The following GABRG3 variants were observed in gnomAD, a reference collection of about 807,000 sequenced individuals.
GABRG3 encodes gamma-aminobutyric acid receptor subunit gamma-3.
In GABRG3, 25 loss-of-function variants were observed where a neutral mutation model predicts 48.8. That is an observed-to-expected ratio of 0.51 (90% confidence interval 0.37 to 0.72). The LOEUF is 0.72. GABRG3 is among the 30% of genes least tolerant of loss of function. The pLI, the probability that GABRG3 is intolerant of heterozygous loss-of-function variation, is 0.00. For missense variants in GABRG3, 394 were observed against 577.9 expected (o/e 0.68, Z 3.26); for synonymous variants, 227 against 217.6 (o/e 1.04, Z -0.38).
rs208131 is a variant in GABRG3 at position 27,176,923 on chromosome 15, G to C, written c.271-149886G>C. ...TGCTGAACTCACTGTCTAACCACCC[G>C]ACAGTTTCTTGCCCACTGCATAGAA... On this transcript the variant is annotated intron_variant, in intron 3 of 9. Coordinates refer to ENST00000615808, the MANE Select transcript of GABRG3 (RefSeq NM_033223.5). Among the ~76,000 whole-genome samples, 1,489 of 152,252 alleles carry C rather than the reference G, an allele frequency of 9.8e-3. 13 individuals carry two copies. Among genetic ancestry groups the C allele is most frequent in the Non-Finnish European group, 0.013 (912 of 68,016 alleles).
At chr15:27,332,703 T>C (rs991763219) in intron 5 of GABRG3, among the ~76,000 whole-genome samples, 2 of 152,190 alleles carry the variant, frequency 1.3e-5, no homozygotes, top group African/African-American at 2.4e-5. Flanking sequence ...TTCACTATCA[T>C]ACAAATAAAA....
At chr15:26,993,330 G>A (rs1396828613) in intron 2 of GABRG3, among the ~76,000 whole-genome samples, 3 of 151,806 alleles carry the variant, frequency 2.0e-5, no homozygotes, top group Non-Finnish European at 4.4e-5. Flanking sequence ...CTTTTTCTAT[G>A]TAGGCACTTA....
chr15:27,335,724 G>C (rs1055373714), intron 5 of GABRG3, among the ~76,000 whole-genome samples: 3 of 152,106 alleles, frequency 2.0e-5, no homozygotes, highest in African/African-American at 7.2e-5. Flanking sequence ...AGGATGAGCA[G>C]GTTCTGGAAA....
chr15:27,313,236 A>ATG (rs1893062962), intron 3 of GABRG3, among the ~76,000 whole-genome samples: 1 of 82,334 alleles, frequency 1.2e-5, no homozygotes, highest in African/African-American at 5.8e-5. Flanking sequence ...ACGTATATGT[A>ATG]TATATGTGTG....
rs927188293 is a variant in GABRG3, at chr15:27,236,991, G to A, written c.271-89818G>A. Among the ~76,000 whole-genome samples the A allele has an allele frequency of 3.9e-5, 6 of 152,316 alleles. No individual in the cohort carries two copies. The highest frequency in any genetic ancestry group is 2.6e-4 in the Admixed American group (4 of 15,300). ...TTCCCAGCCTGCAGGACGGCCACCC[G>A]TATGAAATAAAGCTCTCCTTTCCAA... On this transcript the variant is annotated intron_variant, in intron 3 of 9. Coordinates refer to ENST00000615808, the MANE Select transcript of GABRG3 (RefSeq NM_033223.5). The surrounding 1 kb of genome is among the most constrained non-coding windows in gnomAD (Gnocchi z 4.4).
rs60516105 is a variant in GABRG3 at position 27,001,888 on chromosome 15, G to GT, written c.202+24753dup. 3.6e-3 allele frequency among the ~76,000 whole-genome samples: 434 copies of GT among 121,104 alleles called. 3 individuals carry two copies. Among genetic ancestry groups the GT allele is most frequent in the East Asian group, 0.013 (56 of 4,224 alleles). The allele number at this position is 121,104 out of a possible 152,430, so 79.4% of individuals were successfully genotyped here. A position where few individuals can be genotyped will look rare whatever the true frequency, so the allele number is the denominator to read the frequency against. ...CTTGAAGAGAGGTTCCCATAACTCA[G>GT]TTTTTTTTTTTTTTTAAGATATGGT... On this transcript the variant is annotated intron_variant, in intron 2 of 9. Transcript: ENST00000615808.
At chr15:27,490,904 C>A (rs1890336876) in intron 6 of GABRG3, among the ~76,000 whole-genome samples, 1 of 151,948 alleles carries the variant, frequency 6.6e-6, no homozygotes, top group South Asian at 2.1e-4. Flanking sequence ...ACCACCACCC[C>A]CCCTTCACAC....
At chr15:27,163,356 TCA>T (rs1460630628) in intron 3 of GABRG3, among the ~76,000 whole-genome samples, 2 of 152,100 alleles carry the variant, frequency 1.3e-5, no homozygotes, top group Non-Finnish European at 2.9e-5. Context: ...CAGGCACATG[TCA>T]CTATGCCCAG....
chr15:27,187,416 A>G (rs552330655), intron 3 of GABRG3, among the ~76,000 whole-genome samples: 2 of 152,260 alleles, frequency 1.3e-5, no homozygotes, highest in African/African-American at 4.8e-5. Context: ...TATGAATTTT[A>G]GAATTATTTA....
chr15:27,308,528 T>A (rs912508296), intron 3 of GABRG3, among the ~76,000 whole-genome samples: 14 of 147,620 alleles, frequency 9.5e-5, no homozygotes, highest in African/African-American at 3.0e-4. Context: ...ACATACATGT[T>A]TATATAAACA....
At chr15:27,159,844 C>T (rs1305505395) in intron 3 of GABRG3, among the ~76,000 whole-genome samples, 12 of 152,138 alleles carry the variant, frequency 7.9e-5, no homozygotes, top group Non-Finnish European at 1.5e-5. Context: ...TATGTTTGTC[C>T]AGAAGGCGAT....
intron 2 of GABRG3, among the ~76,000 whole-genome samples, chr15:27,018,721 A>C (rs996599623): frequency 2.6e-5 from 4 of 152,176 alleles, no homozygotes; most frequent in African/African-American, 9.7e-5. Context: ...TGTGATAGTG[A>C]CTTTACCGTC....
chr15:27,174,093 C>CT (rs774192965), intron 3 of GABRG3, among the ~76,000 whole-genome samples: 3 of 151,480 alleles, frequency 2.0e-5, no homozygotes, highest in Non-Finnish European at 2.9e-5. Context: ...AAAATACGGA[C>CT]TTAAAAAAAA....
chr15:27,140,951 C>T (rs1898091391), intron 3 of GABRG3, among the ~76,000 whole-genome samples: 2 of 152,084 alleles, frequency 1.3e-5, no homozygotes, highest in African/African-American at 4.8e-5. Flanking sequence ...GTAAGGTTAG[C>T]TGTCGTCCTT....
chr15:27,349,449 G>C (rs1027121223), intron 5 of GABRG3, among the ~76,000 whole-genome samples: 1 of 152,132 alleles, frequency 6.6e-6, no homozygotes, highest in African/African-American at 2.4e-5. Context: ...TCTTCGAAGA[G>C]ACACTCTTCT....
chr15:27,311,663 G>C (rs1461650720), intron 3 of GABRG3, among the ~76,000 whole-genome samples: 5 of 152,044 alleles, frequency 3.3e-5, no homozygotes, highest in Admixed American at 6.6e-5. Flanking sequence ...AGTTAGACAG[G>C]GAATCCAATG....
chr15:27,203,054 CTTTTA>C lies in GABRG3; in HGVS notation c.271-123749_271-123745del, dbSNP rs148261346. ...ATATGGAACTGTTTTACCTTTCCAA[CTTTTA>C]TTTTAGGTTCAAAGGATACATGTGC... is the stretch of plus-strand genomic sequence containing the variant. On this transcript the variant is annotated intron_variant, in intron 3 of 9. Transcript: ENST00000615808. Among the ~76,000 whole-genome samples, 922 of 152,178 alleles carry C rather than the reference CTTTTA, an allele frequency of 6.1e-3. 9 individuals carry two copies. The highest frequency in any genetic ancestry group is 0.021 in the African/African-American group (865 of 41,516).
Position 27,179,560 on chromosome 15 carries a change from A to T in GABRG3, c.271-147249A>T, listed in dbSNP as rs1328627244. ...GTAGAGTATGAAAACTTTAAGCAAG[A>T]ACTACCCAAGTGAGCAGTTTCCAGT... On this transcript the variant is annotated intron_variant, in intron 3 of 9. Transcript: ENST00000615808. The surrounding 1 kb of genome is among the most constrained non-coding windows in gnomAD (Gnocchi z 4.0). 6.6e-6 allele frequency among the ~76,000 whole-genome samples: 1 copy of T among 152,214 alleles called. No homozygotes were observed. The highest frequency in any genetic ancestry group is 1.5e-5 in the Non-Finnish European group (1 of 68,034).
chr15:27,359,173 A>T (rs1486488832), intron 5 of GABRG3, among the ~76,000 whole-genome samples: 1 of 152,230 alleles, frequency 6.6e-6, no homozygotes, highest in African/African-American at 2.4e-5. Context: ...CACTGCACCA[A>T]GATTGACTAC....
Sources: allele counts gnomAD v4.1 joint callset (sites outside exome capture counted in the v4.1 genomes callset), GRCh38; gene constraint gnomAD v4.1.1; non-coding constraint Gnocchi (gnomAD v3.1); transcripts MANE v1.5; gene names NCBI Gene and HGNC (gene_info 2026-07-23, HGNC 2026-07-21).